The following ASIC2 variants were observed in gnomAD, a reference collection of about 807,000 sequenced individuals.
ASIC2 encodes the protein acid-sensing ion channel 2.
Under a neutral mutation model 57.3 loss-of-function variants are expected in ASIC2, and 25 were observed. The ratio of observed to expected loss-of-function variants is 0.44; its 90% confidence interval spans 0.32 to 0.61. ASIC2 has a LOEUF of 0.61. Ranked by LOEUF, ASIC2 falls within the 20% of genes least tolerant of loss-of-function variation. The probability of loss-of-function intolerance (pLI) is 0.06; values close to 1 mark genes in which losing one functional copy is unlikely to be tolerated. For missense variants in ASIC2, 641 were observed against 738.1 expected (o/e 0.87, Z 1.52); for synonymous variants, 319 against 307.5 (o/e 1.04, Z -0.39).
intron 1 of ASIC2, among the ~76,000 whole-genome samples, chr17:33,346,776 GCC>G (rs1450824772): frequency 5.3e-5 from 8 of 152,148 alleles, no homozygotes; most frequent in South Asian, 2.1e-4. Flanking sequence ...CCCAGACTGA[GCC>G]CTGAGGTGCT....
At chr17:33,241,816 G>A (rs185523554) in intron 1 of ASIC2, among the ~76,000 whole-genome samples, 1 of 152,264 alleles carries the variant, frequency 6.6e-6, no homozygotes, top group Non-Finnish European at 1.5e-5. Context: ...AACCAAGCTG[G>A]GGAGACACAG....
At chr17:34,124,010 A>G (rs1911701892) in intron 1 of ASIC2, among the ~76,000 whole-genome samples, 1 of 152,180 alleles carries the variant, frequency 6.6e-6, no homozygotes, top group African/African-American at 2.4e-5. Flanking sequence ...TAAGCCTCGG[A>G]GGTGGAGGTT....
intron 3 of ASIC2, among the ~76,000 whole-genome samples, chr17:33,084,142 C>T (rs1424641749): frequency 2.6e-5 from 4 of 152,142 alleles, no homozygotes; most frequent in African/African-American, 9.7e-5. Flanking sequence ...TCCTTATGTC[C>T]TTGAGTGAGC....
At chr17:33,802,715 A>C (rs953398066) in intron 1 of ASIC2, among the ~76,000 whole-genome samples, 1 of 152,254 alleles carries the variant, frequency 6.6e-6, no homozygotes, top group African/African-American at 2.4e-5. Context: ...GGAGGAACAA[A>C]AAGAACAGTT....
At chr17:33,532,347 C>T (rs905107528) in intron 1 of ASIC2, among the ~76,000 whole-genome samples, 11 of 152,214 alleles carry the variant, frequency 7.2e-5, no homozygotes, top group African/African-American at 2.4e-4. Flanking sequence ...GTGCTAGAAA[C>T]TATTAAACTA....
At chr17:33,152,809 C>T (rs1216866665) in intron 1 of ASIC2, among the ~76,000 whole-genome samples, 2 of 152,208 alleles carry the variant, frequency 1.3e-5, no homozygotes, top group African/African-American at 4.8e-5. Flanking sequence ...CTGGGCAGTA[C>T]TACGGAAAAG....
At chr17:34,109,685 T>A (rs1445422988) in intron 1 of ASIC2, among the ~76,000 whole-genome samples, 5 of 152,346 alleles carry the variant, frequency 3.3e-5, no homozygotes, top group African/African-American at 1.2e-4. Flanking sequence ...CACTGTTATA[T>A]AAACCTGCAT....
At chr17:34,001,751 A>G (rs1372829332) in intron 1 of ASIC2, 1 of 152,092 alleles carries the variant, frequency 6.6e-6, no homozygotes, top group Non-Finnish European at 1.5e-5. Flanking sequence ...GTAATGTGAA[A>G]CTGTCCTTTC....
rs543281093 is a variant in ASIC2 at position 33,750,341 on chromosome 17, GTGGTTCCTGAGGTTTGGTAGACTGA to G, written c.555+405612_555+405636del. 8.7e-3 allele frequency among the ~76,000 whole-genome samples: 1,332 copies of G among 152,274 alleles called. 24 individuals carry two copies. Among genetic ancestry groups the G allele is most frequent in the African/African-American group, 0.031 (1,285 of 41,550 alleles). ...ATTGCAAGGAACTGAGGGGGAAACG[GTGGTTCCTGAGGTTTGGTAGACTGA>G]TGAAGACTGGATGCTCTTCTCAGAT... On this transcript the variant is annotated intron_variant, in intron 1 of 9. Transcript: ENST00000359872.
chr17:33,775,265 G>T (rs1911232489), intron 1 of ASIC2, among the ~76,000 whole-genome samples: 1 of 152,176 alleles, frequency 6.6e-6, no homozygotes, highest in Non-Finnish European at 1.5e-5. Context: ...GACAAAGAGA[G>T]CTGTTTCAAG....
chr17:33,922,857 T>C (rs1248282106), intron 1 of ASIC2, among the ~76,000 whole-genome samples: 1 of 152,108 alleles, frequency 6.6e-6, no homozygotes, highest in African/African-American at 2.4e-5. Context: ...TTAGACAGGG[T>C]GAGGATCATG....
chr17:33,823,497 A>T (rs1380512451), intron 1 of ASIC2, among the ~76,000 whole-genome samples: 2 of 152,198 alleles, frequency 1.3e-5, no homozygotes, highest in Non-Finnish European at 2.9e-5. Context: ...ATGTTCCCAT[A>T]GGCCATTAGT....
intron 1 of ASIC2, among the ~76,000 whole-genome samples, chr17:33,464,966 T>A (rs1912814052): frequency 6.6e-6 from 1 of 152,144 alleles, no homozygotes; most frequent in Non-Finnish European, 1.5e-5. Flanking sequence ...TTTGTTTGCC[T>A]TCAAGTCCAT....
At chr17:33,506,485 G>A (rs1914267489) in intron 1 of ASIC2, among the ~76,000 whole-genome samples, 1 of 151,226 alleles carries the variant, frequency 6.6e-6, no homozygotes, top group Admixed American at 6.6e-5. Context: ...GTGACAGAGA[G>A]GAAGAGAGAG....
At chr17:33,774,622 T>A (rs1911209441) in intron 1 of ASIC2, among the ~76,000 whole-genome samples, 2 of 152,218 alleles carry the variant, frequency 1.3e-5, no homozygotes, top group African/African-American at 2.4e-5. Context: ...CCTAGCAAAC[T>A]TCTTTTATAT....
At chr17:33,021,946 A>C (rs1471010849) in intron 6 of ASIC2, among the ~76,000 whole-genome samples, 1 of 152,182 alleles carries the variant, frequency 6.6e-6, no homozygotes, top group Non-Finnish European at 1.5e-5. Context: ...TACTGCCTGC[A>C]GACTGTCTGC....
chr17:33,289,795 A>T (rs1427569024), intron 1 of ASIC2, among the ~76,000 whole-genome samples: 1 of 152,226 alleles, frequency 6.6e-6, no homozygotes, highest in African/African-American at 2.4e-5. Context: ...TTTCAGAATT[A>T]CATTTGATGG....
intron 1 of ASIC2, among the ~76,000 whole-genome samples, chr17:33,841,677 A>G (rs1913442453): frequency 6.6e-6 from 1 of 152,204 alleles, no homozygotes; most frequent in African/African-American, 2.4e-5. Flanking sequence ...ATCTTCAGGG[A>G]CAGAAGCCCC....
At chr17:33,232,388 A>ATG (rs1908125483) in intron 1 of ASIC2, among the ~76,000 whole-genome samples, 1 of 150,892 alleles carries the variant, frequency 6.6e-6, no homozygotes, top group South Asian at 2.1e-4. Flanking sequence ...ATGGTATGGC[A>ATG]GCCTAGGTAT....
Sources: gnomAD v4.1 joint callset for allele counts (sites outside exome capture counted in the v4.1 genomes callset) on GRCh38, gnomAD v4.1.1 for gene constraint, MANE v1.5 for transcripts, NCBI Gene and HGNC (gene_info 2026-07-23, HGNC 2026-07-21) for gene names.